Variants in SLC24A3 observed in about 807,000 individuals in gnomAD.
SLC24A3 encodes solute carrier family 24 member 3, also known as sodium/potassium/calcium exchanger 3.
SLC24A3 carries 28 observed loss-of-function variants against 75.8 expected under a neutral mutation model. The observed-to-expected ratio is 0.37, with a 90% CI of 0.27 to 0.51. SLC24A3 has a LOEUF of 0.51. SLC24A3 is among the 20% of genes least tolerant of loss of function. SLC24A3 has a pLI of 0.94. For missense variants in SLC24A3, 663 were observed against 847.8 expected (o/e 0.78, Z 2.71); for synonymous variants, 372 against 334.1 (o/e 1.11, Z -1.24).
At chr20:19,713,819 T>C (rs2033014915) in intron 15 of SLC24A3, among the ~76,000 whole-genome samples, 1 of 152,182 alleles carries the variant, frequency 6.6e-6, no homozygotes, top group Non-Finnish European at 1.5e-5. Flanking sequence ...ATTATCCCCA[T>C]TTTACACTTT....
intron 4 of SLC24A3, among the ~76,000 whole-genome samples, chr20:19,582,955 T>C (rs2122634936): frequency 6.6e-6 from 1 of 152,052 alleles, no homozygotes; most frequent in East Asian, 2.0e-4. Context: ...AGGACAGCAG[T>C]GGGACATTTG....
intron 3 of SLC24A3, among the ~76,000 whole-genome samples, chr20:19,540,663 G>A (rs1205443334): frequency 1.3e-5 from 2 of 152,178 alleles, no homozygotes; most frequent in Non-Finnish European, 2.9e-5. Flanking sequence ...CCCAGGGGAG[G>A]CCCATTTCCT....
At chr20:19,552,323 G>A (rs1022872565) in intron 3 of SLC24A3, among the ~76,000 whole-genome samples, 17 of 152,220 alleles carry the variant, frequency 1.1e-4, no homozygotes, top group African/African-American at 3.6e-4. Context: ...TCCTGTCTGC[G>A]CAAGCAAAGC....
At chr20:19,319,500 G>A (rs989745659) in intron 2 of SLC24A3, among the ~76,000 whole-genome samples, 1 of 152,216 alleles carries the variant, frequency 6.6e-6, no homozygotes, top group Non-Finnish European at 1.5e-5. Context: ...GTCCTTGGTG[G>A]ATGCATTGAA....
intron 2 of SLC24A3, among the ~76,000 whole-genome samples, chr20:19,281,675 C>T (rs1400023226): frequency 6.6e-6 from 1 of 152,046 alleles, no homozygotes; most frequent in Non-Finnish European, 1.5e-5. Context: ...GCTGTGAGGA[C>T]CCAGCCCACC....
intron 4 of SLC24A3, among the ~76,000 whole-genome samples, chr20:19,582,528 G>A (rs903428886): frequency 1.3e-5 from 2 of 152,224 alleles, no homozygotes; most frequent in Non-Finnish European, 2.9e-5. Flanking sequence ...AGAAAGAGAA[G>A]GAGATAAAGG....
At position 19,722,073 on chromosome 20, in the gene SLC24A3, G is replaced by C. The variant is rs1156443662; in HGVS notation, c.*933G>C. ...AGCTGCCAGGCAGTCAAAAACAGAAGCTTCCCCGACTTGTGAGTCCCTGAG... is the reference window on the plus strand; with the variant it reads ...AGCTGCCAGGCAGTCAAAAACAGAACCTTCCCCGACTTGTGAGTCCCTGAG... On this transcript the variant is annotated 3_prime_UTR_variant, in exon 17 of 17. Transcript: ENST00000328041. 1 of 152,738 alleles carries C rather than the reference G, an allele frequency of 6.5e-6. No homozygotes were observed. The highest frequency in any genetic ancestry group is 1.5e-5 in the Non-Finnish European group (1 of 68,116). The allele number at this position is 152,738 out of a possible 1,614,324, so 9.5% of individuals were successfully genotyped here.
intron 2 of SLC24A3, among the ~76,000 whole-genome samples, chr20:19,453,452 G>A (rs1401691382): frequency 6.6e-6 from 1 of 152,184 alleles, no homozygotes; most frequent in Admixed American, 6.5e-5. Context: ...TCTTTGATGA[G>A]GAGAATGTAT....
At chr20:19,363,069 T>G (rs1331017118) in intron 2 of SLC24A3, among the ~76,000 whole-genome samples, 4 of 152,224 alleles carry the variant, frequency 2.6e-5, no homozygotes, top group African/African-American at 9.6e-5. Flanking sequence ...GGTGTTTTCC[T>G]GGCCTGTGAG....
intron 3 of SLC24A3, among the ~76,000 whole-genome samples, chr20:19,556,479 G>T (rs1412668394): frequency 6.6e-6 from 1 of 151,248 alleles, no homozygotes; most frequent in Non-Finnish European, 1.5e-5. Flanking sequence ...ATACGTGTGG[G>T]TTTTCTTCCA....
intron 2 of SLC24A3, among the ~76,000 whole-genome samples, chr20:19,384,038 C>T (rs759134790): frequency 6.6e-6 from 1 of 152,124 alleles, no homozygotes; most frequent in African/African-American, 2.4e-5. Context: ...CTAGCTTTAT[C>T]AAGGCATAAT....
intron 6 of SLC24A3, among the ~76,000 whole-genome samples, chr20:19,649,153 A>G (rs531335379): frequency 9.6e-4 from 146 of 152,322 alleles, no homozygotes; most frequent in Non-Finnish European, 1.3e-3. Context: ...ACACCTGCCA[A>G]CAGATGCAAA....
chr20:19,499,177 C>A (rs768180067), intron 2 of SLC24A3, among the ~76,000 whole-genome samples: 6 of 152,204 alleles, frequency 3.9e-5, no homozygotes, highest in Non-Finnish European at 8.8e-5. Context: ...TGAGACATAA[C>A]AATAAAATGT....
At chr20:19,533,070 G>A (rs2030330578) in intron 3 of SLC24A3, among the ~76,000 whole-genome samples, 1 of 152,194 alleles carries the variant, frequency 6.6e-6, no homozygotes, top group African/African-American at 2.4e-5. Context: ...AAAACACCCA[G>A]TATTTAATGG....
chr20:19,356,807 A>G (rs1985694935), intron 2 of SLC24A3, among the ~76,000 whole-genome samples: 6 of 152,022 alleles, frequency 3.9e-5, no homozygotes, highest in Admixed American at 3.9e-4. Context: ...GCAAGTTCCT[A>G]CTGCTCTACA....
chr20:19,618,193 G>A (rs911517401), intron 6 of SLC24A3, among the ~76,000 whole-genome samples: 3 of 152,164 alleles, frequency 2.0e-5, no homozygotes, highest in Admixed American at 6.5e-5. Flanking sequence ...GTAAGAGTCA[G>A]GCTGTCTACA....
At chr20:19,314,112 C>T (rs952326598) in intron 2 of SLC24A3, among the ~76,000 whole-genome samples, 1 of 152,088 alleles carries the variant, frequency 6.6e-6, no homozygotes, top group Admixed American at 6.5e-5. Context: ...CAAAAGCCTT[C>T]ACCTTTGAAA....
chr20:19,258,443 C>T (rs1360172280), intron 1 of SLC24A3, among the ~76,000 whole-genome samples: 1 of 152,212 alleles, frequency 6.6e-6, no homozygotes, highest in African/African-American at 2.4e-5. Context: ...CCGTGGCTCA[C>T]GCCTGTAATC....
At chr20:19,696,966 G>T in intron 14 of SLC24A3, 55 bp downstream of exon 14, 1 of 438,236 alleles carries the variant, frequency 2.3e-6, no homozygotes, top group Non-Finnish European at 4.4e-6. Context: ...GGAGAGGGAG[G>T]GAAGAAGGGA....
Sources: allele counts gnomAD v4.1 joint callset (sites outside exome capture counted in the v4.1 genomes callset), GRCh38; gene constraint gnomAD v4.1.1; transcripts MANE v1.5; gene names NCBI Gene and HGNC (gene_info 2026-07-23, HGNC 2026-07-21).